GSG1L: variants seen among roughly 807,000 people sequenced by gnomAD.
GSG1L encodes the protein GSG1 like, also known as germ cell-specific gene 1-like protein.
A neutral mutation model predicts 42.1 loss-of-function variants in GSG1L; 24 were observed. That is an observed-to-expected ratio of 0.57 (90% CI 0.41 to 0.80). The LOEUF (loss-of-function observed/expected upper bound fraction) is 0.80. GSG1L is among the 30% of genes least tolerant of loss of function. The pLI is 0.00. For missense variants in GSG1L, 445 were observed against 472.2 expected, an observed-to-expected ratio of 0.94 and a Z score of 0.53; for synonymous variants, 215 against 203.5, an observed-to-expected ratio of 1.06 and a Z score of -0.48.
intron 3 of GSG1L, among the ~76,000 whole-genome samples, chr16:27,859,178 C>T (rs1210957655): frequency 1.2e-4 from 18 of 152,060 alleles, no homozygotes; most frequent in Admixed American, 7.9e-4. Context: ...GATCTGGCTC[C>T]GTGTCTCTGC....
chr16:28,039,616 C>A (rs2086083017), intron 1 of GSG1L, among the ~76,000 whole-genome samples: 1 of 151,824 alleles, frequency 6.6e-6, no homozygotes, highest in African/African-American at 2.4e-5. Flanking sequence ...CACACACACA[C>A]AAGCAGACAT....
intron 1 of GSG1L, among the ~76,000 whole-genome samples, chr16:28,013,290 G>A (rs1161726717): frequency 6.6e-6 from 1 of 152,108 alleles, no homozygotes; most frequent in East Asian, 1.9e-4. Context: ...AACCTAGTCT[G>A]GGAGAGGTAA....
At chr16:28,062,216 C>T (rs2086349920) in intron 1 of GSG1L, among the ~76,000 whole-genome samples, 1 of 152,212 alleles carries the variant, frequency 6.6e-6, no homozygotes, top group Non-Finnish European at 1.5e-5. Context: ...GTCCCCTGGG[C>T]CCTGCCACAG....
In GSG1L at chr16:28,040,799, G is replaced by C. The variant is rs929277802; in HGVS notation, c.349+22277C>G. On this transcript the variant is annotated intron_variant, in intron 1 of 6. Transcript: ENST00000447459. This position sits in a 1 kb window ranked among gnomAD's most constrained non-coding sequence, Gnocchi z 4.1. ...CAGGGTAGTGCTGACTGGCCGCCAG[G>C]GCATCTCCTAGAATCAGTTCAGGTT... is the stretch of plus-strand genomic sequence containing the variant. 6.6e-6 allele frequency among the ~76,000 whole-genome samples: 1 copy of C among 152,066 alleles called. No homozygotes were observed. Among genetic ancestry groups the C allele is most frequent in the East Asian group, 1.9e-4 (1 of 5,178 alleles).
intron 2 of GSG1L, among the ~76,000 whole-genome samples, chr16:27,912,702 T>C (rs1011677921): frequency 7.9e-5 from 12 of 152,202 alleles, no homozygotes; most frequent in Non-Finnish European, 1.8e-4. Context: ...TGTCCTTACC[T>C]AGTGTAGTTG....
intron 3 of GSG1L, among the ~76,000 whole-genome samples, chr16:27,849,114 A>G (rs2083475906): frequency 6.7e-6 from 1 of 149,976 alleles, no homozygotes; most frequent in South Asian, 2.2e-4. Flanking sequence ...GCTTAAACCT[A>G]GGAGGCAGAA....
intron 1 of GSG1L, among the ~76,000 whole-genome samples, chr16:28,020,062 G>C (rs190434202): frequency 5.9e-5 from 9 of 152,328 alleles, no homozygotes; most frequent in Admixed American, 5.9e-4. Context: ...TTTGAAAGTA[G>C]CAAGTCCACT....
At chr16:27,932,784 A>C (rs2084671262) in intron 2 of GSG1L, among the ~76,000 whole-genome samples, 1 of 152,172 alleles carries the variant, frequency 6.6e-6, no homozygotes, top group Non-Finnish European at 1.5e-5. Context: ...TCACCCAGCC[A>C]GGGCTTACAC....
intron 3 of GSG1L, among the ~76,000 whole-genome samples, chr16:27,874,704 T>A (rs968991754): frequency 1.3e-5 from 2 of 152,174 alleles, no homozygotes; most frequent in Admixed American, 6.5e-5. Flanking sequence ...GAGCTCTGCA[T>A]TGAGACCCTT....
chr16:27,927,291 G>C (rs760742872), intron 2 of GSG1L, among the ~76,000 whole-genome samples: 1 of 151,888 alleles, frequency 6.6e-6, no homozygotes, highest in Non-Finnish European at 1.5e-5. Context: ...CTGGGACCAC[G>C]GGTACGTGCC....
At position 27,960,672 on chromosome 16, in the gene GSG1L, C is replaced by T. The variant is rs1050599075; in HGVS notation, c.397+2484G>A. On this transcript the variant is annotated intron_variant, in intron 2 of 6. Transcript: ENST00000447459. ...AAAATGGATGGGTCTGAGGGTGCCA[C>T]GTTACTGCGGGTGTCTACTGGAAGG... 3.9e-5 allele frequency among the ~76,000 whole-genome samples: 6 copies of T among 152,202 alleles called. No individual in the cohort carries two copies. In the East Asian group the frequency reaches 7.7e-4, roughly 20 times the overall value.
At chr16:27,890,769 G>T (rs1307600212) in intron 2 of GSG1L, among the ~76,000 whole-genome samples, 1 of 152,186 alleles carries the variant, frequency 6.6e-6, no homozygotes, top group Non-Finnish European at 1.5e-5. Flanking sequence ...TCAGACAGGT[G>T]GGGGGCACTG....
At chr16:28,061,457 G>A (rs1435762548) in intron 1 of GSG1L, among the ~76,000 whole-genome samples, 1 of 152,176 alleles carries the variant, frequency 6.6e-6, no homozygotes, top group Non-Finnish European at 1.5e-5. Flanking sequence ...TCAAGTCACA[G>A]AAAAGTTTGG....
At chr16:28,004,230 C>T (rs914085138) in intron 1 of GSG1L, among the ~76,000 whole-genome samples, 4 of 152,166 alleles carry the variant, frequency 2.6e-5, no homozygotes, top group Non-Finnish European at 4.4e-5. Flanking sequence ...GCTCCCTTGC[C>T]GCCAAGGCCC....
At chr16:27,804,040 T>TACATAGATAC (rs1555500781) in intron 6 of GSG1L, among the ~76,000 whole-genome samples, 1 of 85,692 alleles carries the variant, frequency 1.2e-5, no homozygotes, top group African/African-American at 3.9e-5. Context: ...ATTAGATGGA[T>TACATAGATAC]AGATAGATAG....
At chr16:28,052,993 G>A (rs1459554157) in intron 1 of GSG1L, among the ~76,000 whole-genome samples, 2 of 152,254 alleles carry the variant, frequency 1.3e-5, no homozygotes, top group African/African-American at 4.8e-5. Flanking sequence ...GCCAAGTGGA[G>A]CTGCCTGGGA....
At chr16:28,009,405 T>C (rs964569543) in intron 1 of GSG1L, among the ~76,000 whole-genome samples, 2 of 152,026 alleles carry the variant, frequency 1.3e-5, no homozygotes, top group South Asian at 2.1e-4. Flanking sequence ...CCTGATGGAT[T>C]TGTCTCAGTG....
chr16:27,865,885 G>C (rs2083718218), intron 3 of GSG1L, among the ~76,000 whole-genome samples: 2 of 151,540 alleles, frequency 1.3e-5, no homozygotes, highest in Admixed American at 6.6e-5. Flanking sequence ...TATTTTTTTA[G>C]AGATGGGGTC....
At chr16:27,851,763 C>A (rs985657704) in intron 3 of GSG1L, among the ~76,000 whole-genome samples, 1 of 152,234 alleles carries the variant, frequency 6.6e-6, no homozygotes, top group South Asian at 2.1e-4. Flanking sequence ...GACAAGTTGG[C>A]CTGGTGACAC....
Sources: gnomAD v4.1 joint callset for allele counts (sites outside exome capture counted in the v4.1 genomes callset) on GRCh38, gnomAD v4.1.1 for gene constraint, Gnocchi (gnomAD v3.1) non-coding constraint, MANE v1.5 for transcripts, NCBI Gene and HGNC (gene_info 2026-07-23, HGNC 2026-07-21) for gene names.